The following ZDHHC21 variants were observed in gnomAD, a reference collection of about 807,000 sequenced individuals.
The protein encoded by ZDHHC21 is palmitoyltransferase ZDHHC21.
In ZDHHC21, 15 loss-of-function variants were observed where a neutral mutation model predicts 34.6. The ratio of observed to expected loss-of-function variants is 0.43; its 90% CI spans 0.29 to 0.67. The LOEUF (loss-of-function observed/expected upper bound fraction) is 0.67, where lower values mean the gene tolerates loss of function less well. Among genes scored for constraint, ZDHHC21 ranks in the 30% least tolerant of loss-of-function variants. ZDHHC21 has a pLI of 0.14. For missense variants in ZDHHC21, 344 were observed against 327.7 expected, an observed-to-expected ratio of 1.05 and a Z score of -0.38; for synonymous variants, 142 against 101.8, an observed-to-expected ratio of 1.40 and a Z score of -2.38.
At chr9:14,651,701 A>C (rs1365345579) in intron 7 of ZDHHC21, among the ~76,000 whole-genome samples, 1 of 151,988 alleles carries the variant, frequency 6.6e-6, no homozygotes, top group African/African-American at 2.4e-5. Flanking sequence ...TTTCCTTCAT[A>C]TTTAATTGAA....
At chr9:14,630,110 A>C (rs1053063864) in intron 8 of ZDHHC21, among the ~76,000 whole-genome samples, 1 of 152,268 alleles carries the variant, frequency 6.6e-6, no homozygotes, top group Non-Finnish European at 1.5e-5. Flanking sequence ...CCTTTCATGA[A>C]CGATTTCTCT....
intron 8 of ZDHHC21, among the ~76,000 whole-genome samples, chr9:14,633,928 T>G (rs1827814750): frequency 6.6e-6 from 1 of 152,108 alleles, no homozygotes. Context: ...GGCCTGGAGA[T>G]CACCCCACCA....
At chr9:14,683,390 T>C (rs1837725644) in intron 2 of ZDHHC21, among the ~76,000 whole-genome samples, 2 of 152,022 alleles carry the variant, frequency 1.3e-5, no homozygotes, top group Admixed American at 1.3e-4. Context: ...CCCACAGAAA[T>C]ACAAACTACC....
Position 14,628,496 on chromosome 9 carries a change from C to A in ZDHHC21, c.622-8814G>T, listed in dbSNP as rs1489463906. 2.0e-5 allele frequency among the ~76,000 whole-genome samples: 3 copies of A among 152,236 alleles called. No homozygotes were observed. In the East Asian group the frequency reaches 5.8e-4, roughly 29 times the overall value. ...GATGTCTAGTAGGTCTATATTCAAGCTATGCAATAAAATAGTTTACGTAAT... is the reference window on the plus strand; with the variant it reads ...GATGTCTAGTAGGTCTATATTCAAGATATGCAATAAAATAGTTTACGTAAT... On this transcript the variant is annotated intron_variant, in intron 8 of 9. Transcript: ENST00000380916.
intron 8 of ZDHHC21, among the ~76,000 whole-genome samples, chr9:14,635,375 T>A (rs1041225208): frequency 1.3e-5 from 2 of 152,144 alleles, no homozygotes; most frequent in Non-Finnish European, 2.9e-5. Context: ...CTTCTCCGAT[T>A]TGGCACATCA....
the ZDHHC21 span, among the ~76,000 whole-genome samples, chr9:14,605,294 A>G: frequency 2.0e-5 from 3 of 151,954 alleles, no homozygotes; most frequent in Non-Finnish European, 2.9e-5. Context: ...GTTTTTCAAA[A>G]CAGCTGCACC....
chr9:14,604,375 T>TAAAA, the ZDHHC21 span, among the ~76,000 whole-genome samples: 1 of 152,198 alleles, frequency 6.6e-6, no homozygotes, highest in African/African-American at 2.4e-5. Context: ...TAAAGATGTT[T>TAAAA]TGTTTAAAAA....
At chr9:14,660,540 C>T (rs376197205) in intron 6 of ZDHHC21, among the ~76,000 whole-genome samples, 5 of 152,146 alleles carry the variant, frequency 3.3e-5, no homozygotes, top group Middle Eastern at 3.4e-3. Context: ...GTACATTTCC[C>T]CTGCTCTCTG....
intron 7 of ZDHHC21, among the ~76,000 whole-genome samples, chr9:14,642,097 A>G (rs1439358610): frequency 6.6e-6 from 1 of 152,214 alleles, no homozygotes; most frequent in African/African-American, 2.4e-5. Context: ...AGATGAGACT[A>G]AAAGATCTAC....
intron 8 of ZDHHC21, among the ~76,000 whole-genome samples, chr9:14,634,833 A>C (rs1338035797): frequency 6.6e-6 from 1 of 152,210 alleles, no homozygotes; most frequent in Admixed American, 6.5e-5. Context: ...ATAATTCTCC[A>C]ATAAAATATT....
intron 3 of ZDHHC21, among the ~76,000 whole-genome samples, chr9:14,678,384 G>A (rs1403645003): frequency 6.6e-6 from 1 of 151,666 alleles, no homozygotes; most frequent in African/African-American, 2.4e-5. Context: ...ACACATGACC[G>A]ACAAGAGGCA....
intron 8 of ZDHHC21, among the ~76,000 whole-genome samples, chr9:14,629,149 T>G (rs1252830279): frequency 1.3e-5 from 2 of 152,218 alleles, no homozygotes; most frequent in Non-Finnish European, 2.9e-5. Context: ...TTGATTGTTT[T>G]ACAGAGGTGT....
chr9:14,658,256 A>G (rs996287759), intron 7 of ZDHHC21, among the ~76,000 whole-genome samples: 1 of 152,104 alleles, frequency 6.6e-6, no homozygotes, highest in Non-Finnish European at 1.5e-5. Flanking sequence ...ATAAATAACC[A>G]TAAATGAATT....
intron 7 of ZDHHC21, among the ~76,000 whole-genome samples, chr9:14,658,499 G>C (rs1025106790): frequency 9.6e-6 from 1 of 103,944 alleles, no homozygotes; most frequent in African/African-American, 3.7e-5. Flanking sequence ...TTGAGACGGA[G>C]TCTCGCTGTC....
In ZDHHC21 at chr9:14,672,910, A is replaced by G; in HGVS notation, c.173T>C (p.Ile58Thr). Reference sequence around the variant, plus strand: ...CCTCACTAAGGCAACCAGACAGAATATGGAAATGCCATAGAATACTTTAAA... The same window carrying G: ...CCTCACTAAGGCAACCAGACAGAATGTGGAAATGCCATAGAATACTTTAAA... ...ILIIIFYGIS[I>T]FCLVALVRAS... The change falls in exon 5 of 10, where the codon ATA (isoleucine) becomes ACA (threonine). Residue 58 changes from isoleucine (I) to threonine (T), a missense_variant. Transcript: ENST00000380916. 1 of 1,600,150 alleles carries G rather than the reference A, an allele frequency of 6.2e-7. No homozygotes were observed. Among genetic ancestry groups the G allele is most frequent in the Non-Finnish European group, 8.5e-7 (1 of 1,170,904 alleles).
At chr9:14,680,489 A>C (rs555820173) in intron 2 of ZDHHC21, among the ~76,000 whole-genome samples, 1 of 152,276 alleles carries the variant, frequency 6.6e-6, no homozygotes, top group East Asian at 1.9e-4. Flanking sequence ...TCACAAAATA[A>C]CGATAGATTC....
intron 8 of ZDHHC21, among the ~76,000 whole-genome samples, chr9:14,635,070 T>C (rs1420296808): frequency 2.6e-5 from 4 of 151,970 alleles, no homozygotes; most frequent in Non-Finnish European, 2.9e-5. Flanking sequence ...ATAGAATAGA[T>C]CAAGGAGAAG....
intron 7 of ZDHHC21, among the ~76,000 whole-genome samples, chr9:14,641,354 T>C (rs1367416810): frequency 1.3e-5 from 2 of 152,108 alleles, no homozygotes; most frequent in South Asian, 2.1e-4. Flanking sequence ...AGAATCCCTA[T>C]AAAACATATA....
chr9:14,610,733 C>T (rs1174151616), downstream of ZDHHC21, among the ~76,000 whole-genome samples: 1 of 151,792 alleles, frequency 6.6e-6, no homozygotes, highest in East Asian at 1.9e-4. Context: ...AAATTATTCC[C>T]CTCAAGAAAA....
Sources: gnomAD v4.1 joint callset for allele counts (sites outside exome capture counted in the v4.1 genomes callset) on GRCh38, gnomAD v4.1.1 for gene constraint, MANE v1.5 for transcripts, NCBI Gene and HGNC (gene_info 2026-07-23, HGNC 2026-07-21) for gene names.